The following DLG2 variants were observed in gnomAD, a reference collection of about 807,000 sequenced individuals.
DLG2 encodes disks large homolog 2.
Under a neutral mutation model 132.5 loss-of-function variants are expected in DLG2, and 45 were observed. The observed-to-expected ratio is 0.34, with a 90% CI of 0.27 to 0.44. The LOEUF is 0.44. Among genes scored for constraint, DLG2 ranks in the 20% least tolerant of loss-of-function variants. The pLI, the probability that DLG2 is intolerant of heterozygous loss-of-function variation, is 1.00. For missense variants in DLG2, 1,045 were observed against 1,196.9 expected (o/e 0.87, Z 1.87); for synonymous variants, 424 against 419.6 (o/e 1.01, Z -0.13).
intron 6 of DLG2, among the ~76,000 whole-genome samples, chr11:85,069,187 A>G (rs1424700291): frequency 6.6e-6 from 1 of 152,026 alleles, no homozygotes; most frequent in Non-Finnish European, 1.5e-5. Context: ...TAGACCTAAA[A>G]CCATAAAAAT....
chr11:85,007,575 A>G (rs1467877346), intron 6 of DLG2, among the ~76,000 whole-genome samples: 2 of 147,102 alleles, frequency 1.4e-5, no homozygotes, highest in African/African-American at 5.0e-5. Flanking sequence ...CTGAGGCAGG[A>G]GAATGGCGTG....
chr11:84,075,369 C>T (rs2154148838), intron 10 of DLG2, among the ~76,000 whole-genome samples: 1 of 152,194 alleles, frequency 6.6e-6, no homozygotes, highest in Non-Finnish European at 1.5e-5. Context: ...TCTGGTTGAC[C>T]ATTTTATCAT....
intron 6 of DLG2, among the ~76,000 whole-genome samples, chr11:84,883,690 C>A (rs752350079): frequency 1.1e-4 from 17 of 151,956 alleles, no homozygotes; most frequent in Non-Finnish European, 1.6e-4. Flanking sequence ...TTTTTAACTT[C>A]CAAGAAGTTA....
At chr11:84,672,853 G>A (rs1020057008) in intron 6 of DLG2, among the ~76,000 whole-genome samples, 1 of 151,986 alleles carries the variant, frequency 6.6e-6, no homozygotes, top group African/African-American at 2.4e-5. Flanking sequence ...ATTGGCTCAG[G>A]GTTCCACAGG....
At chr11:84,020,029 A>C (rs1326668722) in intron 11 of DLG2, among the ~76,000 whole-genome samples, 2 of 152,132 alleles carry the variant, frequency 1.3e-5, no homozygotes, top group East Asian at 3.9e-4. Flanking sequence ...AAGCACATGG[A>C]GAACTTGCCT....
At chr11:84,595,485 TAA>T (rs111591484) in intron 6 of DLG2, among the ~76,000 whole-genome samples, 4 of 135,702 alleles carry the variant, frequency 2.9e-5, no homozygotes, top group African/African-American at 5.5e-5. Context: ...TTCCTTTTTC[TAA>T]AAAAAAAAAA....
chr11:85,459,123 AG>A (rs2092518718), intron 3 of DLG2, among the ~76,000 whole-genome samples: 1 of 152,138 alleles, frequency 6.6e-6, no homozygotes, highest in Non-Finnish European at 1.5e-5. Context: ...AGCTTGCTGG[AG>A]GTGTGGTTAA....
intron 7 of DLG2, among the ~76,000 whole-genome samples, chr11:84,379,117 A>T (rs1156408280): frequency 6.6e-6 from 1 of 152,174 alleles, no homozygotes; most frequent in East Asian, 1.9e-4. Flanking sequence ...CCCAGAAGAC[A>T]TAAACTCTAA....
intron 19 of DLG2, among the ~76,000 whole-genome samples, chr11:83,630,470 G>A (rs2063368126): frequency 6.6e-6 from 1 of 152,130 alleles, no homozygotes; most frequent in African/African-American, 2.4e-5. Context: ...TTCTGATTTA[G>A]GTTTTGGCTT....
chr11:84,248,231 T>C (rs2097328222), intron 8 of DLG2, among the ~76,000 whole-genome samples: 1 of 152,180 alleles, frequency 6.6e-6, no homozygotes, highest in East Asian at 1.9e-4. Context: ...TTTCAATACA[T>C]AATGTATTCA....
At chr11:85,270,981 C>T (rs2077494772) in intron 4 of DLG2, among the ~76,000 whole-genome samples, 1 of 152,166 alleles carries the variant, frequency 6.6e-6, no homozygotes, top group South Asian at 2.1e-4. Flanking sequence ...GAAATTCAAG[C>T]TGGCTGCAGA....
At chr11:85,310,787 G>A (rs1209615471) in intron 3 of DLG2, among the ~76,000 whole-genome samples, 2 of 152,074 alleles carry the variant, frequency 1.3e-5, no homozygotes, top group Admixed American at 1.3e-4. Context: ...TTTTGTGATC[G>A]TACTTTCTTC....
intron 3 of DLG2, among the ~76,000 whole-genome samples, chr11:85,366,418 A>T (rs1454913433): frequency 1.3e-5 from 2 of 152,122 alleles, no homozygotes; most frequent in Non-Finnish European, 2.9e-5. Flanking sequence ...ATCAAGCCAG[A>T]CTCAAAAACA....
chr11:85,230,038 T>C (rs931032560), intron 4 of DLG2, among the ~76,000 whole-genome samples: 1 of 151,994 alleles, frequency 6.6e-6, no homozygotes. Flanking sequence ...AGATGATGGG[T>C]TGATGCTTGC....
At chr11:84,868,107 T>C (rs950347699) in intron 6 of DLG2, among the ~76,000 whole-genome samples, 2 of 148,042 alleles carry the variant, frequency 1.4e-5, no homozygotes, top group Non-Finnish European at 3.0e-5. Context: ...TAATATATTA[T>C]TATATATTAA....
At chr11:83,869,314 G>C (rs1370701719) in intron 16 of DLG2, among the ~76,000 whole-genome samples, 1 of 152,030 alleles carries the variant, frequency 6.6e-6, no homozygotes, top group African/African-American at 2.4e-5. Context: ...TAAAAAAAAA[G>C]CTTTTCCCAC....
intron 6 of DLG2, among the ~76,000 whole-genome samples, chr11:85,039,700 T>C (rs2061686993): frequency 6.9e-6 from 1 of 144,948 alleles, no homozygotes; most frequent in Admixed American, 6.9e-5. Context: ...AGTTCAAAAA[T>C]GGATAAAAAA....
At chr11:83,597,010 C>G (rs11233689) in intron 19 of DLG2, among the ~76,000 whole-genome samples, 7,059 of 152,180 alleles carry the variant, frequency 0.046, 201 homozygotes, top group South Asian at 0.12. Flanking sequence ...GTTTTCTTCA[C>G]TGAGACAGTG....
intron 14 of DLG2, among the ~76,000 whole-genome samples, chr11:83,955,902 G>A (rs932285999): frequency 1.3e-5 from 2 of 152,172 alleles, no homozygotes; most frequent in African/African-American, 2.4e-5. Flanking sequence ...CTGCACTGCT[G>A]GCTTCCCTAC....
Sources: allele counts gnomAD v4.1 joint callset (sites outside exome capture counted in the v4.1 genomes callset), GRCh38; gene constraint gnomAD v4.1.1; transcripts MANE v1.5; gene names NCBI Gene and HGNC (gene_info 2026-07-23, HGNC 2026-07-21).